NEGR1: variants seen among roughly 807,000 people sequenced by gnomAD.
NEGR1 encodes the protein IgLON family member 4.
A neutral mutation model predicts 40.9 loss-of-function variants in NEGR1; 10 were observed. That is an observed-to-expected ratio of 0.24 (90% CI 0.15 to 0.42). NEGR1 has a LOEUF of 0.42. Among genes scored for constraint, NEGR1 ranks in the 10% least tolerant of loss-of-function variants. NEGR1 has a pLI of 1.00. For synonymous variants in NEGR1, 185 were observed against 166.8 expected (o/e 1.11, Z -0.84); for missense variants, 352 against 438.9 (o/e 0.80, Z 1.77).
At chr1:71,651,026 T>C in intron 4 of NEGR1, among the ~76,000 whole-genome samples, 1 of 152,182 alleles carries the variant, frequency 6.6e-6, no homozygotes, top group Non-Finnish European at 1.5e-5. Flanking sequence ...ATGTTGAATA[T>C]AGCTTTATCT....
chr1:71,660,576 T>G (rs1250108880), intron 4 of NEGR1, among the ~76,000 whole-genome samples: 1 of 152,240 alleles, frequency 6.6e-6, no homozygotes. Flanking sequence ...TCATTCAATG[T>G]GTTCACATAA....
chr1:72,273,069 C>T (rs940836387), intron 1 of NEGR1, among the ~76,000 whole-genome samples: 3 of 151,942 alleles, frequency 2.0e-5, no homozygotes, highest in Non-Finnish European at 4.4e-5. Flanking sequence ...AACCACTACA[C>T]CAATAGATAA....
At chr1:71,997,001 ACTT>A (rs1646510490) in intron 1 of NEGR1, among the ~76,000 whole-genome samples, 2 of 151,918 alleles carry the variant, frequency 1.3e-5, no homozygotes, top group South Asian at 2.1e-4. Flanking sequence ...GCTATGCTCT[ACTT>A]CTCCTTTTTT....
At chr1:71,649,181 T>A (rs981948911) in intron 4 of NEGR1, among the ~76,000 whole-genome samples, 6 of 152,172 alleles carry the variant, frequency 3.9e-5, no homozygotes, top group Middle Eastern at 3.4e-3. Context: ...ATGAAAATAT[T>A]AGGAAATGAT....
At chr1:71,698,217 C>A in intron 3 of NEGR1, 78 bp from the exon 4 acceptor site, 1 of 1,223,782 alleles carries the variant, frequency 8.2e-7, no homozygotes, top group South Asian at 1.4e-5. Context: ...TCATGACTTC[C>A]TACAAGATAC....
chr1:72,253,476 ATAT>A (rs144331416), intron 1 of NEGR1, among the ~76,000 whole-genome samples: 3,310 of 152,264 alleles, frequency 0.022, 133 homozygotes, highest in African/African-American at 0.076. Flanking sequence ...TTGCTTCAAT[ATAT>A]TATTATTTCT....
intron 3 of NEGR1, among the ~76,000 whole-genome samples, chr1:71,700,682 G>T (rs893642404): frequency 6.6e-6 from 1 of 151,832 alleles, no homozygotes; most frequent in Non-Finnish European, 1.5e-5. Flanking sequence ...TTTCCTTATA[G>T]TTCTTTAGGT....
intron 3 of NEGR1, among the ~76,000 whole-genome samples, chr1:71,732,084 G>A (rs1309852454): frequency 6.6e-6 from 1 of 152,104 alleles, no homozygotes; most frequent in Non-Finnish European, 1.5e-5. Flanking sequence ...TTGGGAAACC[G>A]AGGCAGTGGA....
intron 1 of NEGR1, among the ~76,000 whole-genome samples, chr1:72,021,858 G>A (rs866928498): frequency 6.6e-6 from 1 of 152,138 alleles, no homozygotes; most frequent in South Asian, 2.1e-4. Flanking sequence ...ACAAGAGGCT[G>A]GGCACGGTGG....
chr1:71,845,568 T>C (rs966290744), intron 2 of NEGR1, among the ~76,000 whole-genome samples: 3 of 152,174 alleles, frequency 2.0e-5, no homozygotes, highest in Non-Finnish European at 4.4e-5. Context: ...TATCATGTCC[T>C]ATTCTAAACA....
At chr1:71,688,611 C>T (rs1423333218) in intron 4 of NEGR1, among the ~76,000 whole-genome samples, 2 of 151,572 alleles carry the variant, frequency 1.3e-5, no homozygotes, top group African/African-American at 2.4e-5. Context: ...TGCACGCCAC[C>T]ATGCCCAACT....
chr1:72,022,666 G>A (rs1018260709), intron 1 of NEGR1, among the ~76,000 whole-genome samples: 4 of 151,762 alleles, frequency 2.6e-5, no homozygotes, highest in Non-Finnish European at 4.4e-5. Context: ...AACATGACCC[G>A]GTATTTGCTA....
At chr1:71,564,113 T>C (rs1031770768) in intron 6 of NEGR1, among the ~76,000 whole-genome samples, 1 of 152,070 alleles carries the variant, frequency 6.6e-6, no homozygotes, top group African/African-American at 2.4e-5. Context: ...GCGAGACTGT[T>C]AGAAATGCAG....
At chr1:71,446,363 C>T (rs1481153918) in intron 6 of NEGR1, among the ~76,000 whole-genome samples, 1 of 152,064 alleles carries the variant, frequency 6.6e-6, no homozygotes, top group African/African-American at 2.4e-5. Flanking sequence ...GAGAAAAAAG[C>T]TACACTTTCT....
intron 1 of NEGR1, among the ~76,000 whole-genome samples, chr1:72,278,481 T>C (rs1210870098): frequency 6.6e-6 from 1 of 152,142 alleles, no homozygotes; most frequent in Non-Finnish European, 1.5e-5. Context: ...ATTTTTGATA[T>C]GTTTACATAA....
chr1:71,503,163 G>C (rs1647010135), intron 6 of NEGR1, among the ~76,000 whole-genome samples: 1 of 152,124 alleles, frequency 6.6e-6, no homozygotes, highest in Admixed American at 6.5e-5. Flanking sequence ...TGTTTTATCT[G>C]GCCTAAAGAC....
intron 1 of NEGR1, among the ~76,000 whole-genome samples, chr1:72,185,257 A>G (rs1387635013): frequency 6.6e-6 from 1 of 151,936 alleles, no homozygotes; most frequent in Non-Finnish European, 1.5e-5. Flanking sequence ...CATAATTTGA[A>G]TAGTGTTTAG....
chr1:71,594,436 T>G (rs1649619930), intron 5 of NEGR1, among the ~76,000 whole-genome samples: 1 of 152,188 alleles, frequency 6.6e-6, no homozygotes, highest in Admixed American at 6.5e-5. Flanking sequence ...ATACTGTAGT[T>G]AAATGCAGAT....
chr1:71,561,840 T>G (rs1009756218), intron 6 of NEGR1, among the ~76,000 whole-genome samples: 4 of 151,490 alleles, frequency 2.6e-5, no homozygotes, highest in African/African-American at 9.7e-5. Context: ...AGTATTCTTT[T>G]TAGATCTTTC....
Sources: allele counts gnomAD v4.1 joint callset (sites outside exome capture counted in the v4.1 genomes callset), GRCh38; gene constraint gnomAD v4.1.1; transcripts MANE v1.5; gene names NCBI Gene and HGNC (gene_info 2026-07-23, HGNC 2026-07-21).